ANKS1B: variants seen among roughly 807,000 people sequenced by gnomAD.
The protein encoded by ANKS1B is ankyrin repeat and sterile alpha motif domain containing 1B.
Under a neutral mutation model 148.3 loss-of-function variants are expected in ANKS1B, and 36 were observed. That is an observed-to-expected ratio of 0.24 (90% confidence interval 0.19 to 0.32). The LOEUF (loss-of-function observed/expected upper bound fraction) is 0.32, where lower values mean the gene tolerates loss of function less well. Among genes scored for constraint, ANKS1B ranks in the 10% least tolerant of loss-of-function variants. ANKS1B has a pLI of 1.00. For missense variants in ANKS1B, 1,157 were observed against 1,542.6 expected (o/e 0.75, Z 4.19); for synonymous variants, 542 against 560.8 (o/e 0.97, Z 0.47).
At chr12:99,678,891 G>A (rs916052511) in intron 8 of ANKS1B, among the ~76,000 whole-genome samples, 1 of 152,080 alleles carries the variant, frequency 6.6e-6, no homozygotes, top group Non-Finnish European at 1.5e-5. Context: ...ATCAACAAGA[G>A]TAGTAGAGGT....
chr12:99,309,363 GT>G (rs568516197), intron 12 of ANKS1B, among the ~76,000 whole-genome samples: 7 of 151,868 alleles, frequency 4.6e-5, no homozygotes, highest in Admixed American at 2.0e-4. Context: ...TTAATGTTAT[GT>G]TTTTTTCCCT....
chr12:98,744,626 C>G lies in ANKS1B; in HGVS notation c.*1113G>C. On this transcript the variant is annotated 3_prime_UTR_variant, in exon 27 of 27. Transcript: ENST00000683438. ...AAATTTTATTTAATCAAATAGTAAG[C>G]AAACTTTTTTTTTGTTTGTCTCAAG... The G allele has an allele frequency of 1.2e-6, 1 of 819,418 alleles. No homozygotes were observed. Among genetic ancestry groups the G allele is most frequent in the Non-Finnish European group, 1.5e-6 (1 of 680,106 alleles). 50.8% of individuals were successfully genotyped at this position (819,418 alleles called of 1,614,324 possible).
intron 19 of ANKS1B, among the ~76,000 whole-genome samples, chr12:98,826,154 C>T (rs1440732433): frequency 6.6e-6 from 1 of 152,190 alleles, no homozygotes; most frequent in East Asian, 1.9e-4. Flanking sequence ...TATATCATTA[C>T]ATTCAGTTCA....
intron 8 of ANKS1B, among the ~76,000 whole-genome samples, chr12:99,770,408 T>C (rs1179658867): frequency 1.3e-5 from 2 of 152,164 alleles, no homozygotes; most frequent in Non-Finnish European, 2.9e-5. Flanking sequence ...TGACCTATAT[T>C]AGGTGACCTG....
chr12:99,003,786 C>G (rs1190353157), intron 17 of ANKS1B, among the ~76,000 whole-genome samples: 2 of 152,184 alleles, frequency 1.3e-5, no homozygotes, highest in Non-Finnish European at 2.9e-5. Flanking sequence ...CGACCACTGA[C>G]TACCAATGGC....
chr12:99,109,673 G>T lies in ANKS1B; in HGVS notation c.2527-24650C>A, dbSNP rs12316681. On this transcript the variant is annotated intron_variant, in intron 15 of 26. Coordinates refer to ENST00000683438, the MANE Select transcript of ANKS1B (RefSeq NM_001352186.2). Reference sequence around the variant, plus strand: ...CCCCACTTTAAAAAGGAAAAGCTGAGGCACAGAGAAGTAAGGTGTGACTAA... The same window carrying T: ...CCCCACTTTAAAAAGGAAAAGCTGATGCACAGAGAAGTAAGGTGTGACTAA... 5.8e-3 allele frequency among the ~76,000 whole-genome samples: 886 copies of T among 152,250 alleles called. 14 individuals carry two copies. The highest frequency in any genetic ancestry group is 0.021 in the African/African-American group (853 of 41,554).
chr12:99,488,490 T>C (rs1031375516), intron 10 of ANKS1B, among the ~76,000 whole-genome samples: 34 of 152,200 alleles, frequency 2.2e-4, no homozygotes, highest in African/African-American at 8.0e-4. Context: ...CCAGAAATGT[T>C]TTTTAACAAA....
At position 98,945,993 on chromosome 12, in the gene ANKS1B, C is replaced by T. The variant is rs555935836; in HGVS notation, c.2778+107164G>A. Among the ~76,000 whole-genome samples, 582 of 152,318 alleles carry T rather than the reference C, an allele frequency of 3.8e-3. 1 individual carries two copies. The highest frequency in any genetic ancestry group is 5.7e-3 in the Non-Finnish European group (391 of 68,034). ...CCTCCTCTCCATCCACCTTCTCCAT[C>T]CCCTTTTGAGAAATGACCACGTGGT... On this transcript the variant is annotated intron_variant, in intron 17 of 26. Coordinates refer to ENST00000683438, the MANE Select transcript of ANKS1B (RefSeq NM_001352186.2).
Position 99,729,522 on chromosome 12 carries a change from C to A in ANKS1B, c.1128+43400G>T, listed in dbSNP as rs143202490. Among the ~76,000 whole-genome samples the A allele has an allele frequency of 6.6e-5, 10 of 152,118 alleles. 1 individual carries two copies. The highest frequency in any genetic ancestry group is 2.0e-4 in the Admixed American group (3 of 15,274). On this transcript the variant is annotated intron_variant, in intron 8 of 26. Transcript: ENST00000683438. Reference sequence around the variant, plus strand: ...TTAATCATTTCTCTCTATTGATATTCTCTATTTGATGCAAAATTGTTGTCC... The same window carrying A: ...TTAATCATTTCTCTCTATTGATATTATCTATTTGATGCAAAATTGTTGTCC...
intron 12 of ANKS1B, among the ~76,000 whole-genome samples, chr12:99,383,819 C>T (rs2093741794): frequency 6.8e-6 from 1 of 146,914 alleles, no homozygotes; most frequent in African/African-American, 2.6e-5. Flanking sequence ...TCAAGACCAG[C>T]CTAGGCAATG....
At position 99,768,838 on chromosome 12, in the gene ANKS1B, A is replaced by AAC. The variant is rs11432323; in HGVS notation, c.1128+4083_1128+4084insGT. Among the ~76,000 whole-genome samples, 39 of 150,036 alleles carry AAC rather than the reference A, an allele frequency of 2.6e-4. 1 individual carries two copies. Among genetic ancestry groups the AAC allele is most frequent in the African/African-American group, 8.9e-4 (36 of 40,666 alleles). On this transcript the variant is annotated intron_variant, in intron 8 of 26. Coordinates refer to ENST00000683438, the MANE Select transcript of ANKS1B (RefSeq NM_001352186.2). ...GACTCCGTCTCAGAAAAAAAAAAAA[A>AAC]AAAAAAAAAACACATCAGGAGAACC...
At chr12:99,411,361 T>C (rs2094699853) in intron 11 of ANKS1B, among the ~76,000 whole-genome samples, 1 of 152,242 alleles carries the variant, frequency 6.6e-6, no homozygotes, top group Non-Finnish European at 1.5e-5. Context: ...GCTACATTCA[T>C]GCTGCTGCCA....
rs774222207 is a variant in ANKS1B at position 99,984,268 on chromosome 12, TG to T, written c.-32del. 13 of 1,591,622 alleles carry T rather than the reference TG, an allele frequency of 8.2e-6. No homozygotes were observed. In the South Asian group the frequency reaches 1.5e-4, roughly 18 times the overall value. ...CTCACCGACTCCCCCACAGAGTCCTTGCCCCCCTCGGGTCCTCCTCCCCACC... is the reference window on the plus strand; with the variant it reads ...CTCACCGACTCCCCCACAGAGTCCTTCCCCCCTCGGGTCCTCCTCCCCACC... On this transcript the variant is annotated 5_prime_UTR_variant, in exon 1 of 27. Transcript: ENST00000683438.
intron 17 of ANKS1B, among the ~76,000 whole-genome samples, chr12:98,905,395 G>C (rs1038208138): frequency 6.6e-6 from 1 of 152,142 alleles, no homozygotes; most frequent in Non-Finnish European, 1.5e-5. Context: ...GCTCACAAGA[G>C]AAAGACTCCA....
At chr12:99,012,511 A>G (rs2099940053) in intron 17 of ANKS1B, among the ~76,000 whole-genome samples, 2 of 152,234 alleles carry the variant, frequency 1.3e-5, no homozygotes, top group African/African-American at 4.8e-5. Context: ...CCAGCCATGG[A>G]GAGTTCCTCC....
chr12:98,869,492 C>G (rs754393960), intron 17 of ANKS1B, among the ~76,000 whole-genome samples: 73 of 152,064 alleles, frequency 4.8e-4, no homozygotes, highest in Non-Finnish European at 9.1e-4. Flanking sequence ...CGAAGATATG[C>G]CTGAGGCCTG....
chr12:99,716,027 C>A (rs1197357406), intron 8 of ANKS1B, among the ~76,000 whole-genome samples: 1 of 152,142 alleles, frequency 6.6e-6, no homozygotes, highest in African/African-American at 2.4e-5. Context: ...GGGATGCCTG[C>A]CTCGGTCCTT....
intron 8 of ANKS1B, among the ~76,000 whole-genome samples, chr12:99,741,242 C>CACACACACAT (rs2060079134): frequency 1.4e-5 from 2 of 146,708 alleles, no homozygotes; most frequent in South Asian, 4.3e-4. Flanking sequence ...CACACACACA[C>CACACACACAT]ACATCAGGAA....
chr12:99,118,838 A>C (rs994365427), intron 15 of ANKS1B, among the ~76,000 whole-genome samples: 3 of 152,146 alleles, frequency 2.0e-5, no homozygotes, highest in African/African-American at 4.8e-5. Flanking sequence ...TTCTATTAGG[A>C]CTCAAGGGCT....
Sources: allele counts gnomAD v4.1 joint callset (sites outside exome capture counted in the v4.1 genomes callset), GRCh38; gene constraint gnomAD v4.1.1; transcripts MANE v1.5; gene names NCBI Gene and HGNC (gene_info 2026-07-23, HGNC 2026-07-21).